The following EIF4G3 variants were observed in gnomAD, a reference collection of about 807,000 sequenced individuals.
The protein encoded by EIF4G3 is eIF-4-gamma 3.
Under a neutral mutation model 186.4 loss-of-function variants are expected in EIF4G3, and 34 were observed. The ratio of observed to expected loss-of-function variants is 0.18; its 90% CI spans 0.14 to 0.24. The LOEUF (loss-of-function observed/expected upper bound fraction) is 0.24. Among genes scored for constraint, EIF4G3 ranks in the 10% least tolerant of loss-of-function variants. The pLI is 1.00. For missense variants in EIF4G3, 1,536 were observed against 1,948.5 expected (o/e 0.79, Z 3.99); for synonymous variants, 673 against 679.5 (o/e 0.99, Z 0.15).
At chr1:21,108,020 C>T (rs1172122685) in intron 2 of EIF4G3, among the ~76,000 whole-genome samples, 1 of 152,182 alleles carries the variant, frequency 6.6e-6, no homozygotes, top group Non-Finnish European at 1.5e-5. Flanking sequence ...CAGTGGCGCA[C>T]ACCTGTAGTC....
intron 14 of EIF4G3, among the ~76,000 whole-genome samples, chr1:20,921,516 T>C (rs543804552): frequency 6.6e-6 from 1 of 152,280 alleles, no homozygotes; most frequent in African/African-American, 2.4e-5. Flanking sequence ...TTTAAGGTCA[T>C]GGATTATGTC....
intron 20 of EIF4G3, among the ~76,000 whole-genome samples, chr1:20,876,364 A>G (rs1002002461): frequency 6.6e-6 from 1 of 151,406 alleles, no homozygotes; most frequent in Non-Finnish European, 1.5e-5. Context: ...CATATTATGA[A>G]ATATTATGCA....
intron 8 of EIF4G3, among the ~76,000 whole-genome samples, chr1:20,981,624 A>G (rs187122644): frequency 3.3e-3 from 396 of 118,658 alleles, no homozygotes; most frequent in African/African-American, 0.013. Flanking sequence ...ATGTATACAT[A>G]CATGTATACG....
intron 7 of EIF4G3, chr1:20,988,225 T>C (rs1353975224): frequency 5.9e-6 from 1 of 169,328 alleles, no homozygotes; most frequent in Non-Finnish European, 1.5e-5. Context: ...AGCAAGTACT[T>C]ATGGAGAAAC....
intron 2 of EIF4G3, among the ~76,000 whole-genome samples, chr1:21,158,169 C>CTTTTTTTTTT (rs71014163): frequency 1.0e-5 from 1 of 99,514 alleles, no homozygotes; most frequent in African/African-American, 4.4e-5. Flanking sequence ...AAATACATAG[C>CTTTTTTTTTT]TTTTTTTTTT....
chr1:20,962,962 G>A (rs1330049448), intron 12 of EIF4G3, among the ~76,000 whole-genome samples: 1 of 147,464 alleles, frequency 6.8e-6, no homozygotes, highest in African/African-American at 2.5e-5. Flanking sequence ...ATGCTGCCCA[G>A]GCTGGTCTCA....
intron 4 of EIF4G3, among the ~76,000 whole-genome samples, chr1:21,015,167 C>T (rs1487968326): frequency 6.6e-6 from 1 of 151,698 alleles, no homozygotes; most frequent in Non-Finnish European, 1.5e-5. Flanking sequence ...AAAGCAGTCT[C>T]TAATAACAGA....
At chr1:20,872,587 C>T (rs2079521066) in intron 20 of EIF4G3, among the ~76,000 whole-genome samples, 1 of 151,964 alleles carries the variant, frequency 6.6e-6, no homozygotes, top group East Asian at 1.9e-4. Flanking sequence ...GTATGGTAAC[C>T]AGGTCAAGAT....
In EIF4G3 at chr1:20,840,912, T is replaced by C. The variant is rs1421590139; in HGVS notation, c.4005A>G (p.Gln1335=). Residue 1335 remains glutamine, a synonymous_variant, in exon 30 of 37, where the codon CAA becomes CAG. Coordinates refer to ENST00000602326, the MANE Select transcript of EIF4G3 (RefSeq NM_001391906.1). ...CTGACTGTACCAGCTGATAGAGTAA[T>C]TGGCCCATGTGATCCCTGGTGATCT... The part of the protein sequence containing the change: ...RSQITRDHMG[Q]LLYQLVQSEK... 2 of 1,613,994 alleles carry C rather than the reference T, an allele frequency of 1.2e-6. No individual in the cohort carries two copies. The highest frequency in any genetic ancestry group is 2.2e-5 in the East Asian group (1 of 44,886).
intron 20 of EIF4G3, among the ~76,000 whole-genome samples, chr1:20,875,083 ATCC>A (rs2080368276): frequency 6.6e-6 from 1 of 151,468 alleles, no homozygotes; most frequent in Non-Finnish European, 1.5e-5. Flanking sequence ...GACTCAAGGG[ATCC>A]TCCCACCTGA....
At position 20,985,306 on chromosome 1, in the gene EIF4G3, A is replaced by C. The variant is rs1414823946; in HGVS notation, c.178-2898T>G. Among the ~76,000 whole-genome samples the C allele has an allele frequency of 3.9e-5, 6 of 152,180 alleles. No homozygotes were observed. In the East Asian group the frequency reaches 7.7e-4, roughly 20 times the overall value. ...ACACAACTCCAATTCTCTATCTCCCAAAAAGTGACTGAAACTTGTTCATAT... is the reference window on the plus strand; with the variant it reads ...ACACAACTCCAATTCTCTATCTCCCCAAAAGTGACTGAAACTTGTTCATAT... On this transcript the variant is annotated intron_variant, in intron 7 of 36. Transcript: ENST00000602326.
intron 19 of EIF4G3, among the ~76,000 whole-genome samples, chr1:20,882,958 T>C (rs2082873410): frequency 6.6e-6 from 1 of 151,584 alleles, no homozygotes; most frequent in Non-Finnish European, 1.5e-5. Flanking sequence ...GGCACATGCC[T>C]GTAGTCCCAG....
intron 2 of EIF4G3, among the ~76,000 whole-genome samples, chr1:21,168,307 A>C (rs575768423): frequency 2.6e-4 from 40 of 151,920 alleles, no homozygotes; most frequent in Admixed American, 1.6e-3. Context: ...CAGGAGGCTG[A>C]GGCAGGAGAA....
chr1:21,114,748 A>C (rs2096787927), intron 2 of EIF4G3, among the ~76,000 whole-genome samples: 1 of 152,236 alleles, frequency 6.6e-6, no homozygotes, highest in Non-Finnish European at 1.5e-5. Flanking sequence ...CATCAAAGAT[A>C]TTAAGTGAAA....
chr1:20,869,501 T>G (rs1385944870), intron 20 of EIF4G3, among the ~76,000 whole-genome samples: 1 of 151,476 alleles, frequency 6.6e-6, no homozygotes, highest in Non-Finnish European at 1.5e-5. Flanking sequence ...ATAGGCCGGG[T>G]GCAGTGGCTC....
chr1:20,810,937 A>G lies in EIF4G3; in HGVS notation c.4598-53T>C. ...ACATTTAAGGAGTTAACATAGAATT[A>G]TCTTTAATTTTCTTTCTTTTTTCTT... On this transcript the variant is annotated intron_variant, in intron 35 of 36. Coordinates refer to ENST00000602326, the MANE Select transcript of EIF4G3 (RefSeq NM_001391906.1). The surrounding 1 kb of genome is among the most constrained non-coding windows in gnomAD (Gnocchi z 4.1). The G allele has an allele frequency of 1.3e-6, 2 of 1,540,124 alleles. No individual in the cohort carries two copies. The highest frequency in any genetic ancestry group is 1.8e-6 in the Non-Finnish European group (2 of 1,132,138).
chr1:20,960,979 G>A (rs748489188), intron 12 of EIF4G3, among the ~76,000 whole-genome samples: 14 of 152,084 alleles, frequency 9.2e-5, no homozygotes, highest in Admixed American at 4.6e-4. Context: ...GGTGAACATC[G>A]AAAACTTCTT....
chr1:20,930,193 C>T (rs1033174695), intron 14 of EIF4G3, among the ~76,000 whole-genome samples: 2 of 152,164 alleles, frequency 1.3e-5, no homozygotes, highest in Admixed American at 6.5e-5. Flanking sequence ...ATGATGATGG[C>T]TGCTGCCCTC....
At chr1:20,918,703 T>C (rs917550320) in intron 14 of EIF4G3, among the ~76,000 whole-genome samples, 2 of 61,658 alleles carry the variant, frequency 3.2e-5, no homozygotes, top group African/African-American at 3.9e-5. Context: ...CCTAGTATCT[T>C]TTTTTTTTTT....
Sources: allele counts gnomAD v4.1 joint callset (sites outside exome capture counted in the v4.1 genomes callset), GRCh38; gene constraint gnomAD v4.1.1; non-coding constraint Gnocchi (gnomAD v3.1); transcripts MANE v1.5; gene names NCBI Gene and HGNC (gene_info 2026-07-23, HGNC 2026-07-21).